ECH1: variants seen among roughly 807,000 people sequenced by gnomAD.
ECH1 encodes delta(3,5)-Delta(2,4)-dienoyl-CoA isomerase, mitochondrial.
In ECH1, 30 loss-of-function variants were observed where a neutral mutation model predicts 37.0. That is an observed-to-expected ratio of 0.81 (90% CI 0.61 to 1.10). The LOEUF is 1.10. Among genes scored for constraint, ECH1 ranks in the 50% least tolerant of loss-of-function variants. The pLI is 0.00. For synonymous variants in ECH1, 178 were observed against 176.0 expected, an observed-to-expected ratio of 1.01 and a Z score of -0.09; for missense variants, 456 against 441.6, an observed-to-expected ratio of 1.03 and a Z score of -0.29.
chr19:38,825,970 C>T (rs1971733611), intron 3 of ECH1, among the ~76,000 whole-genome samples: 1 of 152,142 alleles, frequency 6.6e-6, no homozygotes, highest in Admixed American at 6.5e-5. Flanking sequence ...CATTGAGGGC[C>T]AGGAAACTGA....
At chr19:38,824,569 T>C (rs1037943584) in intron 3 of ECH1, among the ~76,000 whole-genome samples, 1 of 152,140 alleles carries the variant, frequency 6.6e-6, no homozygotes. Flanking sequence ...GGCCCCAGTA[T>C]TCTCTCTCTG....
chr19:38,820,994 G>C (rs1971653493), intron 3 of ECH1, among the ~76,000 whole-genome samples: 1 of 152,230 alleles, frequency 6.6e-6, no homozygotes, highest in East Asian at 1.9e-4. Context: ...AAAGAAAGCA[G>C]GAGGCTGGGT....
intron 3 of ECH1, among the ~76,000 whole-genome samples, chr19:38,825,736 G>A (rs957879731): frequency 7.9e-5 from 12 of 152,142 alleles, no homozygotes; most frequent in Admixed American, 5.9e-4. Context: ...GTTATCATGC[G>A]GTTTACTAGG....
chr19:38,817,325 TGCA>T lies in ECH1; in HGVS notation c.511_513del (p.Cys171del), dbSNP rs774889902. ...ATAGCCGCAGACTCACCTCCGCCAA[TGCA>T]GCCCCCATGGACGGCAGCAATCACG... On this transcript the variant is annotated inframe_deletion, in exon 5 of 10. Coordinates refer to ENST00000221418, the MANE Select transcript of ECH1 (RefSeq NM_001398.3). The T allele has an allele frequency of 5.1e-6, 8 of 1,566,038 alleles. No homozygotes were observed. In the East Asian group the frequency reaches 1.9e-4, roughly 36 times the overall value.
chr19:38,822,388 C>A (rs1292705922), intron 3 of ECH1, among the ~76,000 whole-genome samples: 1 of 148,640 alleles, frequency 6.7e-6, no homozygotes, highest in Non-Finnish European at 1.5e-5. Context: ...AACAACCAAT[C>A]AGCACTCTGT....
chr19:38,823,562 C>T (rs1971695870), intron 3 of ECH1, among the ~76,000 whole-genome samples: 1 of 152,166 alleles, frequency 6.6e-6, no homozygotes, highest in Non-Finnish European at 1.5e-5. Flanking sequence ...CTAACAACTC[C>T]CGACTCTTTG....
chr19:38,818,761 C>T (rs976546175), intron 3 of ECH1, among the ~76,000 whole-genome samples: 19 of 152,352 alleles, frequency 1.2e-4, no homozygotes, highest in Admixed American at 3.9e-4. Context: ...GCTGGGATTA[C>T]AGGCGTGAGC....
rs1311541734 is a variant in ECH1 at position 38,815,628 on chromosome 19, G to A, written c.972C>T (p.Thr324=). ...GCGAGGGCTCTCAGAGCTTGGAGAA[G>A]GTGACGGTTTTCAGTTCCTTGTTCT... The part of the protein sequence containing the change: ...TTENKELKTV[T]FSKL The change falls in exon 10 of 10, where the codon ACC becomes ACT. Residue 324 remains threonine, a synonymous_variant. Coordinates refer to ENST00000221418, the MANE Select transcript of ECH1 (RefSeq NM_001398.3). The A allele has an allele frequency of 6.2e-7, 1 of 1,614,216 alleles. No individual in the cohort carries two copies. The highest frequency in any genetic ancestry group is 1.1e-5 in the South Asian group (1 of 91,080).
chr19:38,821,898 G>A (rs1971669081), intron 3 of ECH1, among the ~76,000 whole-genome samples: 2 of 152,264 alleles, frequency 1.3e-5, no homozygotes, highest in Admixed American at 1.3e-4. Context: ...CGGCCCTGGT[G>A]CAGGATCCAC....
intron 3 of ECH1, among the ~76,000 whole-genome samples, chr19:38,819,431 G>T (rs929256621): frequency 4.6e-5 from 7 of 151,980 alleles, no homozygotes; most frequent in Non-Finnish European, 8.8e-5. Context: ...CCTTACCTCC[G>T]GGCTGCACAG....
At chr19:38,818,153 G>T in intron 3 of ECH1, 1 of 885,578 alleles carries the variant, frequency 1.1e-6, no homozygotes, top group Non-Finnish European at 1.4e-6. Context: ...CCACCATGCC[G>T]CATCAGAAGT....
Position 38,815,858 on chromosome 19 carries a change from A to G in ECH1, c.881T>C (p.Val294Ala), listed in dbSNP as rs891404950. The G allele has an allele frequency of 1.2e-6, 2 of 1,613,960 alleles. No individual in the cohort carries two copies. The highest frequency in any genetic ancestry group is 2.7e-5 in the African/African-American group (2 of 74,902). Reference protein sequence around the residue: ...DHSVAESLNYVASWNMSMLQT... With the variant: ...DHSVAESLNYAASWNMSMLQT... ...GATTGGTCGGAGCGTGCACCTTACC[A>G]CGTAGTTGAGGCTCTCGGCCACCGA... Residue 294 changes from valine (V) to alanine (A), a missense_variant and splice_region_variant, in exon 9 of 10, where the codon GTG (valine) becomes GCG (alanine). Transcript: ENST00000221418.
intron 3 of ECH1, among the ~76,000 whole-genome samples, chr19:38,830,256 T>G (rs373010480): frequency 7.9e-5 from 12 of 152,334 alleles, no homozygotes; most frequent in African/African-American, 2.9e-4. Flanking sequence ...AAAAGGTCAG[T>G]GGGTCAATCC....
chr19:38,816,926 T>A, intron 6 of ECH1, 139 bp downstream of exon 6: 1 of 1,001,692 alleles, frequency 1.0e-6, no homozygotes, highest in Non-Finnish European at 1.5e-6. Context: ...CAACTTCACC[T>A]CTTGACTTCC....
At chr19:38,829,843 A>G (rs1214649482) in intron 3 of ECH1, among the ~76,000 whole-genome samples, 1 of 151,910 alleles carries the variant, frequency 6.6e-6, no homozygotes, top group Non-Finnish European at 1.5e-5. Flanking sequence ...AGAAAACTAC[A>G]ATATCTGAAA....
At chr19:38,830,676 T>C (rs1029265784) in intron 3 of ECH1, among the ~76,000 whole-genome samples, 2 of 147,006 alleles carry the variant, frequency 1.4e-5, no homozygotes, top group African/African-American at 5.0e-5. Context: ...AACACACAGA[T>C]AAAAGTGTGA....
At chr19:38,824,419 G>C (rs368354689) in intron 3 of ECH1, among the ~76,000 whole-genome samples, 1 of 152,118 alleles carries the variant, frequency 6.6e-6, no homozygotes, top group African/African-American at 2.4e-5. Context: ...AACCAAAACC[G>C]CGGGTGGTTT....
intron 3 of ECH1, among the ~76,000 whole-genome samples, chr19:38,825,872 A>G (rs1360881406): frequency 2.0e-5 from 3 of 152,216 alleles, no homozygotes; most frequent in Non-Finnish European, 4.4e-5. Context: ...GAAGCCCCCA[A>G]CCAGATGATC....
chr19:38,823,710 T>C (rs1484313236), intron 3 of ECH1, among the ~76,000 whole-genome samples: 3 of 152,230 alleles, frequency 2.0e-5, no homozygotes, highest in Non-Finnish European at 2.9e-5. Context: ...CCTGCAGCCA[T>C]GAGCGGAACA....
Sources: gnomAD v4.1 joint callset for allele counts (sites outside exome capture counted in the v4.1 genomes callset) on GRCh38, gnomAD v4.1.1 for gene constraint, MANE v1.5 for transcripts, NCBI Gene and HGNC (gene_info 2026-07-23, HGNC 2026-07-21) for gene names.